The following ZNF385D variants were observed in gnomAD, a reference collection of about 807,000 sequenced individuals.
The protein encoded by ZNF385D is zinc finger protein 659.
In ZNF385D, 15 loss-of-function variants were observed where a neutral mutation model predicts 35.8. That is an observed-to-expected ratio of 0.42 (90% CI 0.28 to 0.64). The LOEUF (loss-of-function observed/expected upper bound fraction) is 0.64, where lower values mean the gene tolerates loss of function less well. Ranked by LOEUF, ZNF385D falls within the 30% of genes least tolerant of loss-of-function variation. ZNF385D has a pLI of 0.23. For missense variants in ZNF385D, 474 were observed against 494.6 expected (o/e 0.96, Z 0.39); for synonymous variants, 212 against 186.8 (o/e 1.13, Z -1.10).
intron 3 of ZNF385D, among the ~76,000 whole-genome samples, chr3:21,885,318 G>T (rs1028349247): frequency 6.6e-6 from 1 of 151,646 alleles, no homozygotes; most frequent in East Asian, 1.9e-4. Context: ...ACTAACATTT[G>T]TATTGAACTA....
At chr3:21,959,644 C>A (rs1030062430) in intron 3 of ZNF385D, among the ~76,000 whole-genome samples, 2 of 152,122 alleles carry the variant, frequency 1.3e-5, no homozygotes, top group South Asian at 4.1e-4. Context: ...TCTCCTGTCA[C>A]CATGGAAGAT....
At chr3:22,110,817 A>G (rs1357647335) in intron 3 of ZNF385D, among the ~76,000 whole-genome samples, 1 of 152,026 alleles carries the variant, frequency 6.6e-6, no homozygotes, top group Middle Eastern at 3.2e-3. Context: ...ATGTCAAGGA[A>G]ACTATAAGTA....
rs187320896 is a variant in ZNF385D, at chr3:21,771,309, A to C, written c.326-106281T>G. ...TTGATCCTTGGCACAGGCACAGCCT[A>C]AAACAATCAACAAAACAAAAACAAT... On this transcript the variant is annotated intron_variant, in intron 3 of 5. Coordinates refer to the ZNF385D transcript ENST00000494108. 2.0e-5 allele frequency among the ~76,000 whole-genome samples: 3 copies of C among 152,054 alleles called. No individual in the cohort carries two copies. The East Asian group carries it at 5.8e-4, about 30-fold the overall frequency.
At chr3:21,474,344 T>C (rs1447961806) in intron 4 of ZNF385D, among the ~76,000 whole-genome samples, 4 of 152,120 alleles carry the variant, frequency 2.6e-5, no homozygotes, top group Admixed American at 6.6e-5. Context: ...GAAGACTATG[T>C]GTCTATACTG....
chr3:21,988,024 T>C (rs1296821266), intron 3 of ZNF385D, among the ~76,000 whole-genome samples: 1 of 145,026 alleles, frequency 6.9e-6, no homozygotes, highest in African/African-American at 2.5e-5. Flanking sequence ...CTCCATCAGC[T>C]CCTTTAAGCA....
intron 3 of ZNF385D, among the ~76,000 whole-genome samples, chr3:21,934,155 T>C (rs918616528): frequency 6.6e-6 from 1 of 152,212 alleles, no homozygotes; most frequent in Non-Finnish European, 1.5e-5. Context: ...ATACATTTTC[T>C]TTAGTTCTGA....
chr3:21,821,349 A>T (rs1694213373), intron 3 of ZNF385D, among the ~76,000 whole-genome samples: 1 of 152,210 alleles, frequency 6.6e-6, no homozygotes. Context: ...GATTATCCTA[A>T]TACTGGAAAT....
intron 1 of ZNF385D, among the ~76,000 whole-genome samples, chr3:21,738,369 T>G (rs995467964): frequency 6.6e-6 from 1 of 152,204 alleles, no homozygotes; most frequent in Non-Finnish European, 1.5e-5. Flanking sequence ...TGTACCTTGG[T>G]CTTCCCATTT....
chr3:21,790,444 TG>T (rs765113875), intron 3 of ZNF385D, among the ~76,000 whole-genome samples: 46 of 152,292 alleles, frequency 3.0e-4, no homozygotes, highest in Non-Finnish European at 4.4e-4. Flanking sequence ...GGGTGATTGC[TG>T]TTTCTTTGTA....
chr3:21,665,812 C>G (rs1473542039), intron 1 of ZNF385D, among the ~76,000 whole-genome samples: 1 of 152,180 alleles, frequency 6.6e-6, no homozygotes, highest in Non-Finnish European at 1.5e-5. Context: ...CACTCAGGAG[C>G]TGGAAGGATG....
intron 2 of ZNF385D, among the ~76,000 whole-genome samples, chr3:22,282,559 T>C (rs1291984050): frequency 6.6e-6 from 1 of 152,048 alleles, no homozygotes; most frequent in Non-Finnish European, 1.5e-5. Flanking sequence ...CCTTTTGGAG[T>C]TGATTTCCAA....
At chr3:21,914,381 C>CTTTTTTTTTTTTTTTT (rs5847151) in intron 3 of ZNF385D, among the ~76,000 whole-genome samples, 1 of 138,732 alleles carries the variant, frequency 7.2e-6, no homozygotes. Context: ...TTTTGTTTGA[C>CTTTTTTTTTTTTTTTT]TTTTTTTTTT....
At chr3:21,957,955 G>A (rs746281307) in intron 3 of ZNF385D, among the ~76,000 whole-genome samples, 3 of 152,104 alleles carry the variant, frequency 2.0e-5, no homozygotes, top group Non-Finnish European at 4.4e-5. Context: ...AAAACAGACA[G>A]TACTTGAAAC....
intron 2 of ZNF385D, among the ~76,000 whole-genome samples, chr3:22,185,270 G>A (rs1461574370): frequency 2.0e-5 from 3 of 152,096 alleles, no homozygotes; most frequent in Admixed American, 1.3e-4. Flanking sequence ...AAATTAAATG[G>A]CATAATAGGC....
intron 3 of ZNF385D, among the ~76,000 whole-genome samples, chr3:22,088,219 G>C (rs181948653): frequency 3.3e-5 from 5 of 152,168 alleles, no homozygotes; most frequent in Non-Finnish European, 5.9e-5. Flanking sequence ...ACATGGGCAC[G>C]ATGAGCAAAT....
intron 3 of ZNF385D, among the ~76,000 whole-genome samples, chr3:22,107,988 A>G (rs969913515): frequency 1.3e-5 from 2 of 151,768 alleles, no homozygotes; most frequent in African/African-American, 2.4e-5. Context: ...GCTTTTGGCT[A>G]TCTCCTGCCC....
chr3:22,072,902 G>C (rs1396402603), intron 3 of ZNF385D, among the ~76,000 whole-genome samples: 1 of 152,014 alleles, frequency 6.6e-6, no homozygotes, highest in South Asian at 2.1e-4. Flanking sequence ...TGAGATTCCC[G>C]GGAAGATTCA....
chr3:22,123,960 C>CTATATA (rs1222647240), intron 3 of ZNF385D, among the ~76,000 whole-genome samples: 19 of 72,858 alleles, frequency 2.6e-4, no homozygotes, highest in African/African-American at 5.5e-4. Flanking sequence ...CTCTCTCTCT[C>CTATATA]TCTATATATA....
At chr3:22,155,937 G>T (rs1171169119) in intron 3 of ZNF385D, among the ~76,000 whole-genome samples, 1 of 151,874 alleles carries the variant, frequency 6.6e-6, no homozygotes, top group African/African-American at 2.4e-5. Context: ...GATACCCCAG[G>T]GTAAAAATCA....
Sources: gnomAD v4.1 joint callset for allele counts (sites outside exome capture counted in the v4.1 genomes callset) on GRCh38, gnomAD v4.1.1 for gene constraint, MANE v1.5 for transcripts, NCBI Gene and HGNC (gene_info 2026-07-23, HGNC 2026-07-21) for gene names.